The following EYA1 variants were observed in gnomAD, a reference collection of about 807,000 sequenced individuals.
EYA1 encodes protein phosphatase EYA1.
Under a neutral mutation model 82.0 loss-of-function variants are expected in EYA1, and 16 were observed. The ratio of observed to expected loss-of-function variants is 0.20; its 90% confidence interval spans 0.13 to 0.30. EYA1 has a LOEUF of 0.30. Ranked by LOEUF, EYA1 falls within the 10% of genes least tolerant of loss-of-function variation. EYA1 has a pLI of 1.00. For synonymous variants in EYA1, 261 were observed against 264.4 expected, an observed-to-expected ratio of 0.99 and a Z score of 0.12; for missense variants, 633 against 730.7, an observed-to-expected ratio of 0.87 and a Z score of 1.54.
At chr8:71,513,411 G>A (rs189681453) in intron 2 of EYA1, among the ~76,000 whole-genome samples, 1 of 152,048 alleles carries the variant, frequency 6.6e-6, no homozygotes. Context: ...AAAATTGGTA[G>A]TTTAAAAAAT....
At chr8:71,506,771 T>G (rs533897927) in intron 2 of EYA1, among the ~76,000 whole-genome samples, 70 of 152,128 alleles carry the variant, frequency 4.6e-4, no homozygotes, top group Non-Finnish European at 9.1e-4. Context: ...TTTATAATTT[T>G]CAAGTGCTTT....
At chr8:71,506,625 CA>C (rs1163337407) in intron 2 of EYA1, among the ~76,000 whole-genome samples, 4 of 152,112 alleles carry the variant, frequency 2.6e-5, no homozygotes, top group Non-Finnish European at 4.4e-5. Flanking sequence ...CTAGAGCTTT[CA>C]GATAGATCTT....
At chr8:71,246,747 A>C (rs1288168187) in intron 11 of EYA1, among the ~76,000 whole-genome samples, 3 of 152,218 alleles carry the variant, frequency 2.0e-5, no homozygotes, top group South Asian at 2.1e-4. Context: ...ATTTGTCAGA[A>C]TCGTACATGT....
rs537231355 is a variant in EYA1 at position 71,526,198 on chromosome 8, AAAG to A, written c.33+9543_33+9545del. On this transcript the variant is annotated intron_variant, in intron 2 of 18. Transcript: ENST00000643681. ...TGATAGATTCTGCATAAAACAGGAG[AAAG>A]AAGAGTCATATTAATGTATATTACA... 4.0e-3 allele frequency among the ~76,000 whole-genome samples: 600 copies of A among 150,852 alleles called. 1 individual carries two copies. Among genetic ancestry groups the A allele is most frequent in the Non-Finnish European group, 6.0e-3 (406 of 67,822 alleles).
At chr8:71,426,000 T>A (rs970542712) in intron 2 of EYA1, among the ~76,000 whole-genome samples, 5 of 152,178 alleles carry the variant, frequency 3.3e-5, no homozygotes, top group Non-Finnish European at 7.3e-5. Context: ...TGATAGAACC[T>A]TGTATTTATT....
chr8:71,200,666 C>T (rs949811731), intron 17 of EYA1, among the ~76,000 whole-genome samples: 1 of 152,090 alleles, frequency 6.6e-6, no homozygotes, highest in East Asian at 1.9e-4. Flanking sequence ...TAAGACGTAG[C>T]ATTGTGCATT....
At chr8:71,322,478 C>G in intron 4 of EYA1, 1 of 568,868 alleles carries the variant, frequency 1.8e-6, no homozygotes, top group South Asian at 2.0e-5. Flanking sequence ...TGATTAAGGG[C>G]TCTAGTTTTA....
At chr8:71,387,107 A>C (rs988259283) in intron 2 of EYA1, among the ~76,000 whole-genome samples, 1 of 152,168 alleles carries the variant, frequency 6.6e-6, no homozygotes, top group Non-Finnish European at 1.5e-5. Context: ...GGAATGTGTG[A>C]TGCGATCGAC....
chr8:71,479,613 C>T (rs1430918209), intron 2 of EYA1, among the ~76,000 whole-genome samples: 1 of 118,046 alleles, frequency 8.5e-6, no homozygotes, highest in East Asian at 2.8e-4. Flanking sequence ...CTTTAGAACA[C>T]TTTCTTTATG....
chr8:71,518,609 T>A (rs1420088226), intron 2 of EYA1, among the ~76,000 whole-genome samples: 1 of 152,080 alleles, frequency 6.6e-6, no homozygotes, highest in Non-Finnish European at 1.5e-5. Context: ...AAATTAAAGA[T>A]GAGACTTAGA....
chr8:71,276,632 C>A (rs1817208578), intron 9 of EYA1, among the ~76,000 whole-genome samples: 2 of 152,186 alleles, frequency 1.3e-5, no homozygotes, highest in African/African-American at 2.4e-5. Flanking sequence ...CTCATTATAT[C>A]TTGCCTTAAT....
intron 2 of EYA1, among the ~76,000 whole-genome samples, chr8:71,440,304 GAC>G (rs1452457443): frequency 6.6e-6 from 1 of 152,188 alleles, no homozygotes; most frequent in Non-Finnish European, 1.5e-5. Context: ...ATAGGGGCAT[GAC>G]ATGAGCAGTT....
intron 9 of EYA1, among the ~76,000 whole-genome samples, chr8:71,291,174 C>A (rs1338006992): frequency 6.6e-6 from 1 of 152,172 alleles, no homozygotes; most frequent in Non-Finnish European, 1.5e-5. Flanking sequence ...ACAGACGAGA[C>A]TCAAATATCC....
intron 6 of EYA1, among the ~76,000 whole-genome samples, chr8:71,320,839 A>G (rs1822457047): frequency 6.6e-6 from 1 of 152,030 alleles, no homozygotes; most frequent in African/African-American, 2.4e-5. Flanking sequence ...TATCAAGCAG[A>G]AGCACAATTA....
chr8:71,508,443 A>G (rs1230832770), intron 2 of EYA1, among the ~76,000 whole-genome samples: 2 of 152,138 alleles, frequency 1.3e-5, no homozygotes, highest in African/African-American at 2.4e-5. Context: ...CCAGCTACAA[A>G]CTAGTGCTTT....
intron 2 of EYA1, among the ~76,000 whole-genome samples, chr8:71,465,384 G>T (rs1429834620): frequency 6.6e-6 from 1 of 152,130 alleles, no homozygotes; most frequent in Admixed American, 6.5e-5. Context: ...GCACTTTAGG[G>T]GGCTGAGGCA....
intron 7 of EYA1, among the ~76,000 whole-genome samples, chr8:71,314,046 T>C (rs1260639410): frequency 6.6e-6 from 1 of 152,078 alleles, no homozygotes; most frequent in African/African-American, 2.4e-5. Flanking sequence ...GGCAAAAATA[T>C]CCCCCATATT....
At chr8:71,366,424 G>A (rs763298006), upstream of EYA1, among the ~76,000 whole-genome samples, 1 of 152,188 alleles carries the variant, frequency 6.6e-6, no homozygotes. Flanking sequence ...TTCTCGCGCT[G>A]TGAAATGGGT....
chr8:71,214,305 A>G (rs1400337013), intron 16 of EYA1, among the ~76,000 whole-genome samples: 1 of 152,136 alleles, frequency 6.6e-6, no homozygotes, highest in African/African-American at 2.4e-5. Flanking sequence ...ACTGCATACT[A>G]GCTACCCAGG....
Sources: allele counts gnomAD v4.1 joint callset (sites outside exome capture counted in the v4.1 genomes callset), GRCh38; gene constraint gnomAD v4.1.1; transcripts MANE v1.5; gene names NCBI Gene and HGNC (gene_info 2026-07-23, HGNC 2026-07-21).